Variants in INPP5B observed in about 807,000 individuals in gnomAD.
INPP5B encodes the protein type II inositol 1,4,5-trisphosphate 5-phosphatase.
A neutral mutation model predicts 118.5 loss-of-function variants in INPP5B; 90 were observed. The ratio of observed to expected loss-of-function variants is 0.76; its 90% confidence interval spans 0.64 to 0.90. INPP5B has a LOEUF of 0.90. Ranked by LOEUF, INPP5B falls within the 40% of genes least tolerant of loss-of-function variation. The pLI is 0.00. For synonymous variants in INPP5B, 385 were observed against 418.9 expected (o/e 0.92, Z 0.99); for missense variants, 984 against 1,125.6 (o/e 0.87, Z 1.80).
Position 37,899,550 on chromosome 1 carries a change from G to A in INPP5B, c.533-8096C>T, listed in dbSNP as rs528505566. Among the ~76,000 whole-genome samples the A allele has an allele frequency of 7.0e-4, 107 of 152,044 alleles. No homozygotes were observed. In the South Asian group the frequency reaches 0.019, roughly 26 times the overall value. ...GCTCTCCAGCCTGGGCAACAAGAGCGAAACTCTGCCTCAAAATAATAATAA... is the reference window on the plus strand; with the variant it reads ...GCTCTCCAGCCTGGGCAACAAGAGCAAAACTCTGCCTCAAAATAATAATAA... On this transcript the variant is annotated intron_variant, in intron 7 of 23. Transcript: ENST00000373024.
rs1029012618 is a variant in INPP5B at position 37,889,592 on chromosome 1, C to G, written c.762G>C (p.Gln254His). 1 of 1,613,918 alleles carries G rather than the reference C, an allele frequency of 6.2e-7. No homozygotes were observed. Among genetic ancestry groups the G allele is most frequent in the African/African-American group, 1.3e-5 (1 of 75,042 alleles). Residue 254 changes from glutamine (Q) to histidine (H), a missense_variant, in exon 9 of 24, where the codon CAG becomes CAC. Gln to His is a conservative substitution (Grantham distance 24). This residue lies in a region of INPP5B where 350 missense variants were observed against 334.6 expected (regional missense o/e 1.05). Coordinates refer to ENST00000373024, the MANE Select transcript of INPP5B (RefSeq NM_005540.3). ...RDTIVKSHLL[Q>H]KEEDYTYIQN... ...GGATATAGGTGTAATCCTCTTCTTT[C>G]TGTAGTAGATGTGATTTCACAATTG...
intron 19 of INPP5B, among the ~76,000 whole-genome samples, chr1:37,872,018 T>C (rs1232280651): frequency 1.6e-5 from 2 of 128,584 alleles, no homozygotes; most frequent in Non-Finnish European, 3.1e-5. Context: ...AAGCTGAGAT[T>C]GAGCCACCGC....
At chr1:37,888,532 T>C (rs1643666656) in intron 9 of INPP5B, among the ~76,000 whole-genome samples, 188 bp from the exon 10 acceptor site, 1 of 152,212 alleles carries the variant, frequency 6.6e-6, no homozygotes, top group Admixed American at 6.5e-5. Flanking sequence ...ATGGTATCTG[T>C]TACTTTTGTG....
In INPP5B at chr1:37,883,387, T is replaced by C. The variant is rs972888204; in HGVS notation, c.1320-469A>G. On this transcript the variant is annotated intron_variant, in intron 13 of 23. Transcript: ENST00000373024. ...AGTTCCTCTGAAACAAAGTTCAAAC[T>C]TTATAGTGGAGCCTGGATTTAACCA... The C allele has an allele frequency of 3.0e-6, 3 of 985,284 alleles. No individual in the cohort carries two copies. In the African/African-American group the frequency reaches 5.2e-5, roughly 17 times the overall value. 61.0% of individuals were successfully genotyped at this position (985,284 alleles called of 1,614,324 possible).
chr1:37,942,872 G>A (rs565178417), intron 5 of INPP5B, among the ~76,000 whole-genome samples: 2 of 143,014 alleles, frequency 1.4e-5, no homozygotes, highest in South Asian at 5.1e-4. Flanking sequence ...TCATGCCACT[G>A]TACTCCAGCC....
intron 15 of INPP5B, among the ~76,000 whole-genome samples, chr1:37,879,038 A>C (rs943420872): frequency 2.0e-5 from 3 of 149,870 alleles, no homozygotes; most frequent in African/African-American, 4.9e-5. Flanking sequence ...CAGGGGGATC[A>C]TGAGGTCAGG....
At chr1:37,867,164 G>A (rs1223421059) in intron 20 of INPP5B, among the ~76,000 whole-genome samples, 1 of 152,132 alleles carries the variant, frequency 6.6e-6, no homozygotes, top group East Asian at 1.9e-4. Flanking sequence ...CCGGGGAGGC[G>A]GAGGTTGCAG....
At chr1:37,912,640 A>G (rs764201104) in intron 7 of INPP5B, among the ~76,000 whole-genome samples, 43 of 152,168 alleles carry the variant, frequency 2.8e-4, no homozygotes, top group Non-Finnish European at 5.3e-4. Context: ...AAACCATTGT[A>G]GCGGATATCT....
In INPP5B at chr1:37,943,900, G is replaced by A; in HGVS notation, c.153-7C>T. 6.2e-7 allele frequency: 1 copy of A among 1,609,146 alleles called. No homozygotes were observed. The highest frequency in any genetic ancestry group is 8.5e-7 in the Non-Finnish European group (1 of 1,175,592). On this transcript the variant is annotated splice_polypyrimidine_tract_variant and splice_region_variant and intron_variant, in intron 3 of 23. Coordinates refer to ENST00000373024, the MANE Select transcript of INPP5B (RefSeq NM_005540.3). Reference sequence around the variant, plus strand: ...GTGCGTATAGAGGAAGAGACTAAGGGCAGGAAGCAGAGGTGAGGATGGGGG... The same window carrying A: ...GTGCGTATAGAGGAAGAGACTAAGGACAGGAAGCAGAGGTGAGGATGGGGG...
intron 7 of INPP5B, among the ~76,000 whole-genome samples, chr1:37,900,618 C>CT (rs1381741932): frequency 5.1e-4 from 72 of 139,970 alleles, no homozygotes; most frequent in South Asian, 9.1e-4. Context: ...TTGAATTTTT[C>CT]TTTTTTTTTT....
At chr1:37,886,296 G>A (rs1643533356) in intron 12 of INPP5B, among the ~76,000 whole-genome samples, 1 of 150,638 alleles carries the variant, frequency 6.6e-6, no homozygotes, top group Admixed American at 6.6e-5. Flanking sequence ...AAGGCAGAAT[G>A]ACTAGCCAGT....
At chr1:37,897,461 C>T (rs183937639) in intron 7 of INPP5B, among the ~76,000 whole-genome samples, 256 of 151,394 alleles carry the variant, frequency 1.7e-3, no homozygotes, top group African/African-American at 5.7e-3. Context: ...CTGAAACATG[C>T]GCTGTATCCA....
chr1:37,897,397 T>C (rs1644159187), intron 7 of INPP5B, among the ~76,000 whole-genome samples: 1 of 151,354 alleles, frequency 6.6e-6, no homozygotes, highest in Admixed American at 6.6e-5. Flanking sequence ...TAAGAAAAAT[T>C]CTTCTGCCTT....
intron 7 of INPP5B, among the ~76,000 whole-genome samples, chr1:37,913,637 T>C (rs2148609261): frequency 6.6e-6 from 1 of 152,140 alleles, no homozygotes; most frequent in East Asian, 1.9e-4. Flanking sequence ...TCTCTCCCAC[T>C]GTAGGTTCCC....
chr1:37,910,199 T>C (rs572864384), intron 7 of INPP5B, among the ~76,000 whole-genome samples: 3 of 152,188 alleles, frequency 2.0e-5, no homozygotes, highest in African/African-American at 7.2e-5. Context: ...CAGTGGAGGG[T>C]AAGTCCATCC....
rs546269769 is a variant in INPP5B, at chr1:37,896,864, A to T, written c.533-5410T>A. On this transcript the variant is annotated intron_variant, in intron 7 of 23. Transcript: ENST00000373024. ...TAGCCGCCCCTACGGGGAAGTGAGG[A>T]GCCCCTCTGCCCGGCCAGCCGCCCC... Among the ~76,000 whole-genome samples the T allele has an allele frequency of 3.2e-4, 41 of 129,858 alleles. 3 individuals are homozygous for T. The highest frequency in any genetic ancestry group is 1.1e-3 in the African/African-American group (38 of 33,936). The allele number at this position is 129,858 out of a possible 152,430, so 85.2% of individuals were successfully genotyped here. A position where few individuals can be genotyped will look rare whatever the true frequency, so the allele number is the denominator to read the frequency against.
intron 14 of INPP5B, among the ~76,000 whole-genome samples, chr1:37,881,222 G>T (rs1217912387): frequency 1.3e-5 from 2 of 152,182 alleles, no homozygotes; most frequent in African/African-American, 4.8e-5. Context: ...TGCGAACTGG[G>T]GGAAGCTCTG....
intron 7 of INPP5B, among the ~76,000 whole-genome samples, chr1:37,908,565 C>G (rs1459299794): frequency 6.6e-6 from 1 of 151,724 alleles, no homozygotes; most frequent in African/African-American, 2.4e-5. Flanking sequence ...TAGCGAGACC[C>G]CGTTCTCCAG....
At chr1:37,937,366 T>G (rs1330567293) in intron 6 of INPP5B, among the ~76,000 whole-genome samples, 1 of 152,026 alleles carries the variant, frequency 6.6e-6, no homozygotes, top group Non-Finnish European at 1.5e-5. Context: ...GCAAGGTAGC[T>G]CACGCCTGTA....
Sources: gnomAD v4.1 joint callset for allele counts (sites outside exome capture counted in the v4.1 genomes callset) on GRCh38, gnomAD v4.1.1 for gene constraint, gnomAD v4.1.1 regional missense constraint, MANE v1.5 for transcripts, NCBI Gene and HGNC (gene_info 2026-07-23, HGNC 2026-07-21) for gene names.